The following NMNAT2 variants were observed in gnomAD, a reference collection of about 807,000 sequenced individuals.
NMNAT2 encodes nicotinamide nucleotide adenylyltransferase 2, also known as nicotinamide/nicotinic acid mononucleotide adenylyltransferase 2.
Under a neutral mutation model 41.6 loss-of-function variants are expected in NMNAT2, and 11 were observed. The observed-to-expected ratio is 0.26, with a 90% CI of 0.17 to 0.44. The LOEUF (loss-of-function observed/expected upper bound fraction) is 0.44, where lower values mean the gene tolerates loss of function less well. Among genes scored for constraint, NMNAT2 ranks in the 20% least tolerant of loss-of-function variants. NMNAT2 has a pLI of 1.00. For missense variants in NMNAT2, 288 were observed against 407.7 expected (o/e 0.71, Z 2.53); for synonymous variants, 148 against 151.2 (o/e 0.98, Z 0.16).
intron 5 of NMNAT2, among the ~76,000 whole-genome samples, chr1:183,285,074 A>C (rs1467401102): frequency 6.6e-6 from 1 of 152,236 alleles, no homozygotes; most frequent in African/African-American, 2.4e-5. Flanking sequence ...AAAATATAGA[A>C]GAGGGAAAAT....
chr1:183,257,508 T>C (rs1660548786), intron 10 of NMNAT2, among the ~76,000 whole-genome samples: 1 of 152,218 alleles, frequency 6.6e-6, no homozygotes, highest in South Asian at 2.1e-4. Context: ...AGTCATCTGG[T>C]CCTGGGCTTT....
chr1:183,282,331 G>A (rs574482044), intron 7 of NMNAT2, among the ~76,000 whole-genome samples: 57 of 152,336 alleles, frequency 3.7e-4, no homozygotes, highest in South Asian at 2.3e-3. Flanking sequence ...TATGGAGCAA[G>A]AAGAGTAAGC....
chr1:183,292,968 A>G (rs1661582913), intron 2 of NMNAT2, 111 bp from the exon 3 acceptor site: 3 of 964,978 alleles, frequency 3.1e-6, no homozygotes, highest in Non-Finnish European at 4.9e-6. Flanking sequence ...TTCAGTGGTG[A>G]GAGGGAATGA....
chr1:183,307,735 T>C (rs1662027606), intron 1 of NMNAT2, among the ~76,000 whole-genome samples: 1 of 152,144 alleles, frequency 6.6e-6, no homozygotes, highest in African/African-American at 2.4e-5. Flanking sequence ...GAGTCATGCA[T>C]TCAGCCTAAG....
intron 8 of NMNAT2, among the ~76,000 whole-genome samples, chr1:183,265,863 G>A (rs1660799688): frequency 6.6e-6 from 1 of 152,214 alleles, no homozygotes; most frequent in South Asian, 2.1e-4. Context: ...ATTATCCTGG[G>A]TTATCTGGGC....
At chr1:183,332,642 TCCAAAAAG>T (rs1248796817) in intron 1 of NMNAT2, among the ~76,000 whole-genome samples, 6 of 151,946 alleles carry the variant, frequency 3.9e-5, no homozygotes, top group Non-Finnish European at 8.8e-5. Flanking sequence ...TGGAGGAGAT[TCCAAAAAG>T]CCAAAAAGAC....
intron 5 of NMNAT2, among the ~76,000 whole-genome samples, chr1:183,285,765 A>G (rs1028680318): frequency 6.6e-6 from 1 of 152,218 alleles, no homozygotes; most frequent in Admixed American, 6.5e-5. Flanking sequence ...CTGAATCTGT[A>G]TTCTATTTGA....
At chr1:183,361,842 G>C (rs1243606770) in intron 1 of NMNAT2, among the ~76,000 whole-genome samples, 2 of 152,204 alleles carry the variant, frequency 1.3e-5, no homozygotes, top group Non-Finnish European at 2.9e-5. Context: ...AATCTTGGTG[G>C]CATGTGCTCA....
At chr1:183,280,074 T>C (rs1007467416) in intron 7 of NMNAT2, among the ~76,000 whole-genome samples, 4 of 152,168 alleles carry the variant, frequency 2.6e-5, no homozygotes, top group African/African-American at 7.2e-5. Context: ...CTGGGGAGAA[T>C]GTTTGCCTGA....
intron 1 of NMNAT2, among the ~76,000 whole-genome samples, chr1:183,383,855 T>C (rs1170806069): frequency 6.6e-6 from 1 of 152,224 alleles, no homozygotes; most frequent in Non-Finnish European, 1.5e-5. Context: ...AGTTCCAATC[T>C]CTCCCTCATC....
chr1:183,400,525 G>A (rs369678911), intron 1 of NMNAT2, among the ~76,000 whole-genome samples: 1 of 152,094 alleles, frequency 6.6e-6, no homozygotes, highest in Non-Finnish European at 1.5e-5. Flanking sequence ...TCCCCATCAA[G>A]CTACCAATGA....
intron 1 of NMNAT2, among the ~76,000 whole-genome samples, chr1:183,304,048 T>C (rs1034258776): frequency 6.6e-6 from 1 of 152,250 alleles, no homozygotes; most frequent in Non-Finnish European, 1.5e-5. Context: ...CAATGCACTA[T>C]GGAGTCAGCA....
chr1:183,389,206 C>T (rs1025922866), intron 1 of NMNAT2, among the ~76,000 whole-genome samples: 1 of 152,178 alleles, frequency 6.6e-6, no homozygotes, highest in Non-Finnish European at 1.5e-5. Context: ...AACATTCTTC[C>T]TGAATCTCTA....
chr1:183,279,922 C>T (rs1661216245), intron 7 of NMNAT2, among the ~76,000 whole-genome samples: 1 of 152,234 alleles, frequency 6.6e-6, no homozygotes, highest in African/African-American at 2.4e-5. Flanking sequence ...GGCAGAGTCA[C>T]TGGCATACAG....
chr1:183,248,785 C>G lies in NMNAT2; in HGVS notation c.*3856G>C, dbSNP rs1660292489. Reference sequence around the variant, plus strand: ...TGTTGGCCCTCCTGCAGTAGGTAGCCTTGGGAGAGATCCTGAGCTTTTCAT... The same window carrying G: ...TGTTGGCCCTCCTGCAGTAGGTAGCGTTGGGAGAGATCCTGAGCTTTTCAT... On this transcript the variant is annotated 3_prime_UTR_variant, in exon 11 of 11. Coordinates refer to ENST00000287713, the MANE Select transcript of NMNAT2 (RefSeq NM_015039.4). The G allele has an allele frequency of 6.6e-6, 1 of 152,104 alleles. No homozygotes were observed. The highest frequency in any genetic ancestry group is 2.4e-5 in the African/African-American group (1 of 41,398). 9.4% of individuals were successfully genotyped at this position (152,104 alleles called of 1,614,324 possible). A position where few individuals can be genotyped will look rare whatever the true frequency, so the allele number is the denominator to read the frequency against.
At chr1:183,319,456 G>C (rs12734496) in intron 1 of NMNAT2, among the ~76,000 whole-genome samples, 60 of 152,252 alleles carry the variant, frequency 3.9e-4, no homozygotes, top group African/African-American at 1.3e-3. Flanking sequence ...CAATGTTCTC[G>C]AGGTTGAGCC....
At chr1:183,381,101 T>A (rs1199427972) in intron 1 of NMNAT2, among the ~76,000 whole-genome samples, 1 of 152,112 alleles carries the variant, frequency 6.6e-6, no homozygotes, top group Non-Finnish European at 1.5e-5. Context: ...TGAGCTGCAC[T>A]GTGGCAGAAA....
intron 1 of NMNAT2, among the ~76,000 whole-genome samples, chr1:183,325,024 C>T (rs6664559): frequency 0.014 from 2,126 of 152,318 alleles, 44 homozygotes; most frequent in African/African-American, 0.048. Flanking sequence ...CACTCCCTTA[C>T]AAAGCAGACC....
At chr1:183,263,624 G>A (rs1660723881) in intron 8 of NMNAT2, among the ~76,000 whole-genome samples, 1 of 152,126 alleles carries the variant, frequency 6.6e-6, no homozygotes, top group Admixed American at 6.5e-5. Flanking sequence ...CGAGACCACG[G>A]TGAAACCCTG....
Sources: allele counts gnomAD v4.1 joint callset (sites outside exome capture counted in the v4.1 genomes callset), GRCh38; gene constraint gnomAD v4.1.1; transcripts MANE v1.5; gene names NCBI Gene and HGNC (gene_info 2026-07-23, HGNC 2026-07-21).